The following PRKG1 variants were observed in gnomAD, a reference collection of about 807,000 sequenced individuals.
PRKG1 encodes the protein protein kinase cGMP-dependent 1.
In PRKG1, 35 loss-of-function variants were observed where a neutral mutation model predicts 88.1. The ratio of observed to expected loss-of-function variants is 0.40; its 90% CI spans 0.30 to 0.53. The LOEUF (loss-of-function observed/expected upper bound fraction) is 0.53, where lower values mean the gene tolerates loss of function less well. Ranked by LOEUF, PRKG1 falls within the 20% of genes least tolerant of loss-of-function variation. PRKG1 has a pLI of 0.59. For synonymous variants in PRKG1, 303 were observed against 292.5 expected, an observed-to-expected ratio of 1.04 and a Z score of -0.37; for missense variants, 540 against 839.8, an observed-to-expected ratio of 0.64 and a Z score of 4.41.
At chr10:51,069,415 G>A (rs980466214) in intron 1 of PRKG1, among the ~76,000 whole-genome samples, 1 of 151,888 alleles carries the variant, frequency 6.6e-6, no homozygotes, top group African/African-American at 2.4e-5. Flanking sequence ...TAAAATAGCA[G>A]GCACTTGAAT....
chr10:51,588,645 A>G (rs371984871), intron 3 of PRKG1, among the ~76,000 whole-genome samples: 5 of 152,346 alleles, frequency 3.3e-5, no homozygotes, highest in African/African-American at 9.6e-5. Flanking sequence ...GTTATAATCA[A>G]ATTTCCAAAT....
intron 3 of PRKG1, among the ~76,000 whole-genome samples, chr10:51,490,623 A>G (rs1840681008): frequency 6.6e-6 from 1 of 152,144 alleles, no homozygotes; most frequent in Non-Finnish European, 1.5e-5. Context: ...AGCTGAGACT[A>G]TTTGAGCTTC....
chr10:52,072,158 C>CTTTTTTTTTT (rs60576406), intron 7 of PRKG1, among the ~76,000 whole-genome samples: 100 of 39,556 alleles, frequency 2.5e-3, no homozygotes, highest in East Asian at 5.8e-3. Context: ...TATTGTTTTG[C>CTTTTTTTTTT]TTTTTTTTTT....
At chr10:51,816,168 C>T (rs1839579680) in intron 4 of PRKG1, among the ~76,000 whole-genome samples, 1 of 152,116 alleles carries the variant, frequency 6.6e-6, no homozygotes, top group African/African-American at 2.4e-5. Context: ...AGCGGTTTCC[C>T]AGCATCAGTA....
At chr10:51,721,812 C>A (rs1458696819) in intron 3 of PRKG1, among the ~76,000 whole-genome samples, 1 of 152,138 alleles carries the variant, frequency 6.6e-6, no homozygotes, top group Non-Finnish European at 1.5e-5. Flanking sequence ...GCTGAATTTT[C>A]AGTCTATAAC....
intron 4 of PRKG1, among the ~76,000 whole-genome samples, chr10:51,880,521 G>A (rs1050947883): frequency 6.6e-6 from 1 of 152,064 alleles, no homozygotes; most frequent in Non-Finnish European, 1.5e-5. Flanking sequence ...TTTCCTGTGG[G>A]GAATAAAGCT....
At chr10:51,880,319 G>C (rs1841406697) in intron 4 of PRKG1, among the ~76,000 whole-genome samples, 1 of 151,778 alleles carries the variant, frequency 6.6e-6, no homozygotes, top group African/African-American at 2.4e-5. Flanking sequence ...AATTGAGTTA[G>C]AGCTCAATTA....
At chr10:51,257,783 T>A (rs1839603118) in intron 2 of PRKG1, among the ~76,000 whole-genome samples, 1 of 152,166 alleles carries the variant, frequency 6.6e-6, no homozygotes, top group South Asian at 2.1e-4. Flanking sequence ...CCATTCGCTG[T>A]GATTCTGATG....
upstream of PRKG1, among the ~76,000 whole-genome samples, chr10:51,071,790 G>C (rs572437471): frequency 1.3e-5 from 2 of 152,226 alleles, no homozygotes; most frequent in African/African-American, 4.8e-5. Flanking sequence ...TACAAATGAG[G>C]AAGAACCTTC....
chr10:51,870,975 A>T (rs907718965), intron 4 of PRKG1, among the ~76,000 whole-genome samples: 1 of 151,830 alleles, frequency 6.6e-6, no homozygotes, highest in Non-Finnish European at 1.5e-5. Context: ...GGCAAGCTGA[A>T]CTCTTTTCTA....
intron 9 of PRKG1, among the ~76,000 whole-genome samples, chr10:52,189,640 A>T (rs1839313680): frequency 6.6e-6 from 1 of 152,176 alleles, no homozygotes; most frequent in African/African-American, 2.4e-5. Flanking sequence ...CCCACCCTCA[A>T]TCCATGGGAA....
intron 1 of PRKG1, among the ~76,000 whole-genome samples, chr10:51,126,538 A>T (rs1351271822): frequency 1.4e-5 from 2 of 147,526 alleles, no homozygotes; most frequent in Non-Finnish European, 3.0e-5. Flanking sequence ...TAAATTTATT[A>T]AAAATTATAT....
At chr10:51,887,549 C>T (rs187275325) in intron 4 of PRKG1, among the ~76,000 whole-genome samples, 44 of 152,332 alleles carry the variant, frequency 2.9e-4, no homozygotes, top group Admixed American at 5.2e-4. Context: ...TATAAGAGTT[C>T]TAATTCCTCC....
At position 52,293,991 on chromosome 10, in the gene PRKG1, T is replaced by A; in HGVS notation, c.*91T>A. ...ACCTGAGGGAAAGAGAGAAGATTAG[T>A]GCTCGGGGTCACCATGATGCCTTTG... is the stretch of plus-strand genomic sequence containing the variant. On this transcript the variant is annotated 3_prime_UTR_variant, in exon 18 of 18. Coordinates refer to ENST00000373980, the MANE Select transcript of PRKG1 (RefSeq NM_006258.4). 2 of 1,076,196 alleles carry A rather than the reference T, an allele frequency of 1.9e-6. No homozygotes were observed. Among genetic ancestry groups the A allele is most frequent in the Non-Finnish European group, 2.8e-6 (2 of 719,666 alleles). 66.7% of individuals were successfully genotyped at this position (1,076,196 alleles called of 1,614,324 possible).
intron 4 of PRKG1, among the ~76,000 whole-genome samples, chr10:51,809,557 G>T (rs1187453479): frequency 6.6e-6 from 1 of 152,146 alleles, no homozygotes; most frequent in Non-Finnish European, 1.5e-5. Flanking sequence ...GACCATTGGG[G>T]TTTACTTGTA....
intron 2 of PRKG1, among the ~76,000 whole-genome samples, chr10:51,282,133 T>G (rs995382305): frequency 1.3e-5 from 2 of 151,916 alleles, no homozygotes; most frequent in African/African-American, 4.8e-5. Context: ...TGACATGCTT[T>G]GACGTTGGAG....
chr10:51,564,910 C>A (rs1389977638), intron 3 of PRKG1, among the ~76,000 whole-genome samples: 1 of 152,008 alleles, frequency 6.6e-6, no homozygotes, highest in Non-Finnish European at 1.5e-5. Flanking sequence ...TGTAAACTGT[C>A]TTCATGCTTT....
chr10:51,643,042 A>G (rs1259023104), intron 3 of PRKG1, among the ~76,000 whole-genome samples: 1 of 152,118 alleles, frequency 6.6e-6, no homozygotes, highest in Non-Finnish European at 1.5e-5. Flanking sequence ...AAGCCCCGGG[A>G]TTTCAGAGCT....
intron 2 of PRKG1, among the ~76,000 whole-genome samples, chr10:51,422,636 T>C (rs538121809): frequency 2.0e-5 from 3 of 152,164 alleles, no homozygotes; most frequent in Non-Finnish European, 2.9e-5. Context: ...CCTTTGTTTC[T>C]GTCCTTTTTC....
Sources: allele counts gnomAD v4.1 joint callset (sites outside exome capture counted in the v4.1 genomes callset), GRCh38; gene constraint gnomAD v4.1.1; transcripts MANE v1.5; gene names NCBI Gene and HGNC (gene_info 2026-07-23, HGNC 2026-07-21).